PTGER4: variants seen among roughly 807,000 people sequenced by gnomAD.
The protein encoded by PTGER4 is prostaglandin E receptor 4, also known as prostaglandin E2 receptor EP4 subtype.
Under a neutral mutation model 33.2 loss-of-function variants are expected in PTGER4, and 11 were observed. The observed-to-expected ratio is 0.33, with a 90% CI of 0.21 to 0.55. PTGER4 has a LOEUF of 0.55. PTGER4 is among the 20% of genes least tolerant of loss of function. The pLI, the probability that PTGER4 is intolerant of heterozygous loss-of-function variation, is 0.92. For synonymous variants in PTGER4, 275 were observed against 281.5 expected (o/e 0.98, Z 0.23); for missense variants, 481 against 650.2 (o/e 0.74, Z 2.83).
At chr5:40,702,785 T>C in the PTGER4 span, among the ~76,000 whole-genome samples, 111 of 152,150 alleles carry the variant, frequency 7.3e-4, no homozygotes, top group Non-Finnish European at 9.4e-4. Context: ...CCTCAACATA[T>C]CTAAAAGAAC....
chr5:40,686,703 T>G (rs1230085982), intron 2 of PTGER4, among the ~76,000 whole-genome samples: 1 of 152,074 alleles, frequency 6.6e-6, no homozygotes, highest in Non-Finnish European at 1.5e-5. Flanking sequence ...AGCCCTAATC[T>G]CTAATCATCC....
the PTGER4 span, among the ~76,000 whole-genome samples, chr5:40,729,681 T>C: frequency 1.6e-4 from 24 of 152,262 alleles, no homozygotes; most frequent in South Asian, 4.6e-3. Context: ...CAACAGTGAC[T>C]TTTTATTTAT....
At chr5:40,725,093 C>T in the PTGER4 span, among the ~76,000 whole-genome samples, 1 of 151,984 alleles carries the variant, frequency 6.6e-6, no homozygotes, top group South Asian at 2.1e-4. Flanking sequence ...GGTGATCAAC[C>T]CACCTCAGCC....
Position 40,681,200 on chromosome 5 carries a change from T to A in PTGER4, c.207T>A (p.Thr69=), listed in dbSNP as rs1741176870. The A allele has an allele frequency of 6.2e-7, 1 of 1,614,160 alleles. No individual in the cohort carries two copies. ...TGGCTGTCACCGACCTGTTGGGCAC[T>A]TTGTTGGTGAGCCCGGTGACCATCG... ...CGLAVTDLLG[T]LLVSPVTIAT... Residue 69 remains threonine, a synonymous_variant, in exon 2 of 3, where the codon ACT becomes ACA. Coordinates refer to ENST00000302472, the MANE Select transcript of PTGER4 (RefSeq NM_000958.3). The surrounding 1 kb of genome is among the most constrained non-coding windows in gnomAD (Gnocchi z 9.8).
At chr5:40,732,395 T>G in the PTGER4 span, among the ~76,000 whole-genome samples, 1 of 151,790 alleles carries the variant, frequency 6.6e-6, no homozygotes, top group Non-Finnish European at 1.5e-5. Flanking sequence ...GTCCAAGTCC[T>G]GCAAAAGACA....
At chr5:40,734,941 CG>C in the PTGER4 span, among the ~76,000 whole-genome samples, 1 of 152,108 alleles carries the variant, frequency 6.6e-6, no homozygotes, top group Admixed American at 6.5e-5. Context: ...TCGGAATGGG[CG>C]GTCAAGAAAG....
At chr5:40,697,180 A>AG (rs1561134278), downstream of PTGER4, among the ~76,000 whole-genome samples, 1 of 147,264 alleles carries the variant, frequency 6.8e-6, no homozygotes, top group African/African-American at 2.6e-5. Flanking sequence ...AAAGGAAGAA[A>AG]AATTAAGAAA....
the PTGER4 span, among the ~76,000 whole-genome samples, chr5:40,726,524 G>C: frequency 1.4e-5 from 2 of 145,400 alleles, no homozygotes; most frequent in African/African-American, 5.0e-5. Context: ...AAACAGAGAA[G>C]ATTCCTAAAA....
chr5:40,722,349 G>A, the PTGER4 span, among the ~76,000 whole-genome samples: 22,057 of 151,886 alleles, frequency 0.15, 1,710 homozygotes, highest in East Asian at 0.25. Flanking sequence ...AGTGAGGAGC[G>A]TCTCTGCCTG....
At chr5:40,736,618 C>A in the PTGER4 span, among the ~76,000 whole-genome samples, 2 of 152,080 alleles carry the variant, frequency 1.3e-5, no homozygotes, top group Admixed American at 1.3e-4. Context: ...TATATTACTA[C>A]TACAGGAAAT....
chr5:40,727,990 T>G, the PTGER4 span, among the ~76,000 whole-genome samples: 1 of 152,154 alleles, frequency 6.6e-6, no homozygotes, highest in East Asian at 1.9e-4. Flanking sequence ...ATCAAAAATA[T>G]GTCAAAATAG....
At chr5:40,682,673 A>T (rs1741229061) in intron 2 of PTGER4, among the ~76,000 whole-genome samples, 1 of 152,232 alleles carries the variant, frequency 6.6e-6, no homozygotes, top group Non-Finnish European at 1.5e-5. Flanking sequence ...TGAATTCTCG[A>T]CAACTGTGCG....
chr5:40,728,477 C>G, the PTGER4 span: 1 of 1,589,866 alleles, frequency 6.3e-7, no homozygotes, highest in Non-Finnish European at 8.5e-7. Context: ...ACATTAGCAC[C>G]TATAGGCAAA....
the PTGER4 span, among the ~76,000 whole-genome samples, chr5:40,724,304 G>A: frequency 5.4e-3 from 821 of 152,266 alleles, 5 homozygotes; most frequent in African/African-American, 0.018. Context: ...CCACTTATAC[G>A]ATATCTCTAA....
At chr5:40,726,462 C>CTT in the PTGER4 span, among the ~76,000 whole-genome samples, 79 of 146,472 alleles carry the variant, frequency 5.4e-4, no homozygotes, top group African/African-American at 1.8e-3. Flanking sequence ...TTTGAGTCAT[C>CTT]TTTTTTTTTT....
downstream of PTGER4, among the ~76,000 whole-genome samples, chr5:40,697,232 A>AAG (rs754420229): frequency 0.031 from 1,386 of 44,972 alleles, 26 homozygotes; most frequent in African/African-American, 0.043. Context: ...GAAGAAAAGA[A>AAG]AGAAAGAAAG....
the PTGER4 span, among the ~76,000 whole-genome samples, chr5:40,713,845 G>T: frequency 6.7e-6 from 1 of 149,526 alleles, no homozygotes; most frequent in Non-Finnish European, 1.5e-5. Flanking sequence ...AACAAGCTTA[G>T]TCTATGTTTG....
At position 40,681,954 on chromosome 5, in the gene PTGER4, G is replaced by A; in HGVS notation, c.867+94G>A. 1 of 1,393,204 alleles carries A rather than the reference G, an allele frequency of 7.2e-7. No individual in the cohort carries two copies. Among genetic ancestry groups the A allele is most frequent in the Non-Finnish European group, 9.5e-7 (1 of 1,056,274 alleles). 86.3% of individuals were successfully genotyped at this position (1,393,204 alleles called of 1,614,324 possible). A position where few individuals can be genotyped will look rare whatever the true frequency, so the allele number is the denominator to read the frequency against. On this transcript the variant is annotated intron_variant, in intron 2 of 2. Transcript: ENST00000302472. This position sits in a 1 kb window ranked among gnomAD's most constrained non-coding sequence, Gnocchi z 9.8. The stretch of plus-strand genomic sequence containing the variant: ...TCCCTGCTTTCCCTCTGAGTCCTTG[G>A]CAGTGAACGTGTCGCCTTTAGGTCG...
chr5:40,726,988 T>C, the PTGER4 span, among the ~76,000 whole-genome samples: 1 of 152,166 alleles, frequency 6.6e-6, no homozygotes, highest in Non-Finnish European at 1.5e-5. Context: ...AAACAGTACT[T>C]GGTTAAAATG....
Sources: allele counts gnomAD v4.1 joint callset (sites outside exome capture counted in the v4.1 genomes callset), GRCh38; gene constraint gnomAD v4.1.1; non-coding constraint Gnocchi (gnomAD v3.1); transcripts MANE v1.5; gene names NCBI Gene and HGNC (gene_info 2026-07-23, HGNC 2026-07-21).